AP4B1: variants seen among roughly 807,000 people sequenced by gnomAD.
The protein encoded by AP4B1 is AP-4 complex subunit beta-1.
Under a neutral mutation model 76.5 loss-of-function variants are expected in AP4B1, and 49 were observed. The observed-to-expected ratio is 0.64, with a 90% CI of 0.51 to 0.81. The LOEUF (loss-of-function observed/expected upper bound fraction) is 0.81, where lower values mean the gene tolerates loss of function less well. Among genes scored for constraint, AP4B1 ranks in the 40% least tolerant of loss-of-function variants. AP4B1 has a pLI of 0.00. For synonymous variants in AP4B1, 330 were observed against 333.3 expected, an observed-to-expected ratio of 0.99 and a Z score of 0.11; for missense variants, 911 against 904.9, an observed-to-expected ratio of 1.01 and a Z score of -0.09.
intron 1 of AP4B1, among the ~76,000 whole-genome samples, chr1:113,903,660 G>A (rs1668590513): frequency 6.6e-6 from 1 of 152,232 alleles, no homozygotes; most frequent in Admixed American, 6.5e-5. Flanking sequence ...AGCTCACTAG[G>A]CAGATGTAAT....
Position 113,896,371 on chromosome 1 carries a change from G to C in AP4B1, c.1397C>G (p.Ser466Trp). 1 of 1,614,202 alleles carries C rather than the reference G, an allele frequency of 6.2e-7. No homozygotes were observed. Among genetic ancestry groups the C allele is most frequent in the Non-Finnish European group, 8.5e-7 (1 of 1,180,032 alleles). ...CATCTTAACAGCTGGAAATGTTTCC[G>C]ACTTCACATTCTCAACAAAGTCCTC... Reference protein sequence around the residue: ...VLEDFVENVKSETFPAVKMEL... With the variant: ...VLEDFVENVKWETFPAVKMEL... The change falls in exon 8 of 10, where the codon TCG (serine) becomes TGG (tryptophan). Residue 466 changes from serine (S) to tryptophan (W), a missense_variant. Coordinates refer to ENST00000369569, the MANE Select transcript of AP4B1 (RefSeq NM_001253852.3).
Position 113,904,516 on chromosome 1 carries a change from AATT to A in AP4B1, c.113+86_113+88del. 2.3e-5 allele frequency: 29 copies of A among 1,241,778 alleles called. 1 individual carries two copies. In the South Asian group the frequency reaches 3.4e-4, roughly 14 times the overall value. 76.9% of individuals were successfully genotyped at this position (1,241,778 alleles called of 1,614,324 possible). On this transcript the variant is annotated intron_variant, in intron 1 of 9. Coordinates refer to ENST00000369569, the MANE Select transcript of AP4B1 (RefSeq NM_001253852.3). ...CATATAACTGCCACGTGTGAAAGCT[AATT>A]CACCCTTTCAGAGAGACTGGGGCTA...
intron 4 of AP4B1, 28 bp from the exon 5 acceptor site, chr1:113,900,428 A>G: frequency 2.5e-6 from 4 of 1,612,840 alleles, no homozygotes; most frequent in Non-Finnish European, 3.4e-6. Context: ...CAAAAGAGCT[A>G]TTTTAGCAAC....
chr1:113,895,071 T>C lies in AP4B1; in HGVS notation c.2214A>G (p.Lys738=). ...GACAAGCAACAAGACTCTGTTATGA[T>C]TTTATTTCTTCAATTGTTCCAATCA... The part of the protein sequence containing the change: ...ETVIGTIEEI[K]S Residue 738 remains lysine, a synonymous_variant, in exon 10 of 10, where the codon AAA becomes AAG. Transcript: ENST00000369569. The C allele has an allele frequency of 6.2e-7, 1 of 1,613,382 alleles. No individual in the cohort carries two copies. The highest frequency in any genetic ancestry group is 8.5e-7 in the Non-Finnish European group (1 of 1,179,612).
At position 113,900,014 on chromosome 1, in the gene AP4B1, A is replaced by G. The variant is rs1668023205; in HGVS notation, c.1004T>C (p.Val335Ala). The change falls in exon 5 of 10, where the codon GTG becomes GCG. Residue 335 changes from valine (V) to alanine (A), a missense_variant. By Grantham distance (64) the Val-to-Ala change is moderately conservative (BLOSUM62 0). Coordinates refer to ENST00000369569, the MANE Select transcript of AP4B1 (RefSeq NM_001253852.3). ...PHYIKLQKVE[V>A]LCELVNDENV... ...CTCATCGTTCACCAGTTCACACAGC[A>G]CCTCCACTTTCTGTAGTTTGATGTA... 1.9e-6 allele frequency: 3 copies of G among 1,614,088 alleles called. No homozygotes were observed. The highest frequency in any genetic ancestry group is 2.5e-6 in the Non-Finnish European group (3 of 1,180,022).
At chr1:113,899,313 T>G in intron 5 of AP4B1, 1 of 1,017,638 alleles carries the variant, frequency 9.8e-7, no homozygotes, top group Non-Finnish European at 1.2e-6. Context: ...TTTGAGTCAC[T>G]CCAGCCTTTC....
chr1:113,901,326 A>G lies in AP4B1; in HGVS notation c.527T>C (p.Val176Ala), dbSNP rs1396878440. ...CTCTAGAGACCTCAAGCAGTTCACA[A>G]CTACAATTGGATCCTGGTCACGCAG... Reference protein sequence around the residue: ...SLLRDQDPIVVVNCLRSLEEI... With the variant: ...SLLRDQDPIVAVNCLRSLEEI... Residue 176 changes from valine (V) to alanine (A), a missense_variant, in exon 4 of 10, where the codon GTT (valine) becomes GCT (alanine). Coordinates refer to ENST00000369569, the MANE Select transcript of AP4B1 (RefSeq NM_001253852.3). 6.2e-7 allele frequency: 1 copy of G among 1,614,020 alleles called. No individual in the cohort carries two copies. The highest frequency in any genetic ancestry group is 2.2e-5 in the East Asian group (1 of 44,884).
Position 113,901,274 on chromosome 1 carries a change from A to T in AP4B1, c.579T>A (p.Val193=), listed in dbSNP as rs747496112. ...LEEILKQEGG[V]VINKPIAHHL... Reference sequence around the variant, plus strand: ...GGTGAGCAATGGGCTTATTGATGACAACGCCTCCTTCCTGTTTCAGAATTT... The same window carrying T: ...GGTGAGCAATGGGCTTATTGATGACTACGCCTCCTTCCTGTTTCAGAATTT... The change falls in exon 4 of 10, where the codon GTT becomes GTA. Residue 193 remains valine (V), a synonymous_variant. Coordinates refer to ENST00000369569, the MANE Select transcript of AP4B1 (RefSeq NM_001253852.3). 1 of 1,614,168 alleles carries T rather than the reference A, an allele frequency of 6.2e-7. No homozygotes were observed. Among genetic ancestry groups the T allele is most frequent in the African/African-American group, 1.3e-5 (1 of 75,050 alleles).
In AP4B1 at chr1:113,895,920, T is replaced by C; in HGVS notation, c.1629A>G (p.Gly543=). ...GTCTTTCTGCCGGATCCTCCAAAAG[T>C]CCAAGAGTAGGGTCAGATTTAGGGC... ...LCSPKSDPTL[G]LLEDPAERPV... The change falls in exon 9 of 10, where the codon GGA becomes GGG. Residue 543 remains glycine, a synonymous_variant. Coordinates refer to ENST00000369569, the MANE Select transcript of AP4B1 (RefSeq NM_001253852.3). The C allele has an allele frequency of 6.2e-7, 1 of 1,614,132 alleles. No individual in the cohort carries two copies. Among genetic ancestry groups the C allele is most frequent in the African/African-American group, 1.3e-5 (1 of 75,026 alleles).
rs766484530 is a variant in AP4B1 at position 113,902,877 on chromosome 1, T to G, written c.114-15A>C. 1.2e-6 allele frequency: 2 copies of G among 1,613,106 alleles called. No homozygotes were observed. Among genetic ancestry groups the G allele is most frequent in the Non-Finnish European group, 1.7e-6 (2 of 1,179,298 alleles). On this transcript the variant is annotated splice_polypyrimidine_tract_variant and intron_variant, in intron 1 of 9. Transcript: ENST00000369569. ...GAGTCATGTACCTGAACAACGCACA[T>G]GACAGAAGGAAGTAAAATGCAAAAT...
At chr1:113,896,220 G>C (rs1667445827) in intron 8 of AP4B1, 38 bp downstream of exon 8, 1 of 1,610,808 alleles carries the variant, frequency 6.2e-7, no homozygotes, top group African/African-American at 1.3e-5. Context: ...TTTTTACTAT[G>C]GGTCATGGCA....
In AP4B1 at chr1:113,895,284, C is replaced by T. The variant is rs1404393510; in HGVS notation, c.2001G>A (p.Gln667=). 6.2e-7 allele frequency: 1 copy of T among 1,614,080 alleles called. No individual in the cohort carries two copies. Among genetic ancestry groups the T allele is most frequent in the Non-Finnish European group, 8.5e-7 (1 of 1,180,042 alleles). The change falls in exon 10 of 10, where the codon CAG becomes CAA. Residue 667 remains glutamine, a synonymous_variant. Coordinates refer to ENST00000369569, the MANE Select transcript of AP4B1 (RefSeq NM_001253852.3). The part of the protein sequence containing the change: ...LQMALQVVNI[Q]TIAMSRAGSR... ...ACCCAGCCCTACTCATTGCGATGGT[C>T]TGGATGTTCACTACTTGAAGAGCCA...
chr1:113,904,873 G>T (rs1668782031), upstream of AP4B1: 4 of 701,298 alleles, frequency 5.7e-6, no homozygotes, highest in Middle Eastern at 3.9e-4. Context: ...GGGCCGGCAC[G>T]CTGGCCCTGA....
rs750698939 is a variant in AP4B1, at chr1:113,896,387, CAA to C, written c.1379_1380del (p.Phe460CysfsTer2). The C allele has an allele frequency of 6.2e-6, 10 of 1,614,106 alleles. No homozygotes were observed. Among genetic ancestry groups the C allele is most frequent in the Non-Finnish European group, 7.6e-6 (9 of 1,180,058 alleles). ...AATGTTTCCGACTTCACATTCTCAA[CAA>C]AGTCCTCTAACACATAAGGAGCATT... is the stretch of plus-strand genomic sequence containing the variant. ...IPNAPYVLED[F>X]VENVKSETFP... On this transcript the variant is annotated frameshift_variant, in exon 8 of 10. Coordinates refer to ENST00000369569, the MANE Select transcript of AP4B1 (RefSeq NM_001253852.3). LOFTEE classifies it high-confidence loss of function.
In AP4B1 at chr1:113,900,162, A is replaced by C. The variant is rs1393183401; in HGVS notation, c.856T>G (p.Ser286Ala). ...AAACAGAGCTCACGGCTCTCTGAAG[A>C]ACAGGCAGCTAGCAAAGGTCCCTTG... ...RVKGPLLAAC[S>A]SESRELCFVA... Residue 286 changes from serine (S) to alanine (A), a missense_variant, in exon 5 of 10, where the codon TCT becomes GCT. Coordinates refer to ENST00000369569, the MANE Select transcript of AP4B1 (RefSeq NM_001253852.3). The C allele has an allele frequency of 1.9e-5, 30 of 1,614,098 alleles. No homozygotes were observed. Among genetic ancestry groups the C allele is most frequent in the African/African-American group, 2.7e-5 (2 of 74,936 alleles).
chr1:113,898,773 T>C lies in AP4B1; in HGVS notation c.1143A>G (p.Gln381=), dbSNP rs142025801. The change falls in exon 6 of 10, where the codon CAA becomes CAG. Residue 381 remains glutamine, a synonymous_variant. Coordinates refer to ENST00000369569, the MANE Select transcript of AP4B1 (RefSeq NM_001253852.3). ...IGGIARTYTD[Q]CVQILTELLG... ...GCAACTCTGTTAAAATCTGAACACA[T>C]TGATCTGTGTAAGTCCTGGCAATGC... 2.8e-5 allele frequency: 45 copies of C among 1,609,602 alleles called. No homozygotes were observed. The highest frequency in any genetic ancestry group is 5.5e-5 in the South Asian group (5 of 91,078).
intron 2 of AP4B1, 47 bp downstream of exon 2, chr1:113,902,591 T>C (rs1253907652): frequency 1.9e-6 from 3 of 1,576,982 alleles, no homozygotes; most frequent in Admixed American, 1.7e-5. Flanking sequence ...CTGTGATCAC[T>C]TGAATTCATC....
At chr1:113,903,254 C>G (rs183893441) in intron 1 of AP4B1, among the ~76,000 whole-genome samples, 9 of 152,144 alleles carry the variant, frequency 5.9e-5, no homozygotes, top group African/African-American at 2.2e-4. Flanking sequence ...TTAGTAGAGA[C>G]GGGGTTTCTC....
rs180831227 is a variant in AP4B1 at position 113,896,942 on chromosome 1, G to A, written c.1303-477C>T. 85 of 178,364 alleles carry A rather than the reference G, an allele frequency of 4.8e-4. No homozygotes were observed. The East Asian group carries it at 0.01, about 22-fold the overall frequency. The allele number at this position is 178,364 out of a possible 1,614,324, so 11.0% of individuals were successfully genotyped here. A position where few individuals can be genotyped will look rare whatever the true frequency, so the allele number is the denominator to read the frequency against. ...GTGGATCACCTGAGGTCAGGAGTTC[G>A]AGACCAGCCTGGCCAATATGGTGAA... On this transcript the variant is annotated intron_variant, in intron 7 of 9. Transcript: ENST00000369569.
Sources: gnomAD v4.1 joint callset for allele counts (sites outside exome capture counted in the v4.1 genomes callset) on GRCh38, gnomAD v4.1.1 for gene constraint, MANE v1.5 for transcripts, NCBI Gene and HGNC (gene_info 2026-07-23, HGNC 2026-07-21) for gene names.